Variants in VPS13C observed in about 807,000 individuals in gnomAD.
VPS13C encodes the protein intermembrane lipid transfer protein VPS13C.
In VPS13C, 358 loss-of-function variants were observed where a neutral mutation model predicts 456.8. That is an observed-to-expected ratio of 0.78 (90% CI 0.72 to 0.86). VPS13C has a LOEUF of 0.86. Ranked by LOEUF, VPS13C falls within the 40% of genes least tolerant of loss-of-function variation. VPS13C has a pLI of 0.00. For missense variants in VPS13C, 4,818 were observed against 4,385.4 expected (o/e 1.10, Z -2.79); for synonymous variants, 1,578 against 1,486.7 (o/e 1.06, Z -1.41).
chr15:61,922,614 C>G lies in VPS13C; in HGVS notation c.6758G>C (p.Gly2253Ala). 3 of 1,614,048 alleles carry G rather than the reference C, an allele frequency of 1.9e-6. No individual in the cohort carries two copies. The highest frequency in any genetic ancestry group is 1.3e-5 in the African/African-American group (1 of 75,024). ...SINDYNTWFL[G>A]VDTATEITES... The stretch of plus-strand genomic sequence containing the variant: ...CGTTATTTCTGTTGCCGTGTCAACA[C>G]CAAGAAACCAAGTGTTATAATCATT... The change falls in exon 54 of 85, where the codon GGT (glycine) becomes GCT (alanine). Residue 2253 changes from glycine (G) to alanine (A), a missense_variant. Physicochemically the swap from Gly to Ala is moderately conservative, Grantham distance 60. Transcript: ENST00000644861.
chr15:61,913,203 A>G (rs926758178), intron 62 of VPS13C, 108 bp downstream of exon 62: 19 of 976,510 alleles, frequency 1.9e-5, no homozygotes, highest in African/African-American at 3.2e-5. Flanking sequence ...AGGACTATAA[A>G]TCATGCTGCT....
intron 62 of VPS13C, among the ~76,000 whole-genome samples, chr15:61,912,313 T>C (rs894662838): frequency 6.6e-6 from 1 of 152,220 alleles, no homozygotes; most frequent in East Asian, 1.9e-4. Flanking sequence ...TTATAATTAG[T>C]GTACAGGCTT....
At chr15:61,943,904 C>A (rs544296413) in intron 45 of VPS13C, among the ~76,000 whole-genome samples, 1 of 113,166 alleles carries the variant, frequency 8.8e-6, no homozygotes, top group South Asian at 3.4e-4. Context: ...GGTCTAACAT[C>A]CAGAATCTAT....
At chr15:61,975,293 GA>G (rs921489364) in intron 24 of VPS13C, among the ~76,000 whole-genome samples, 4 of 151,386 alleles carry the variant, frequency 2.6e-5, no homozygotes, top group African/African-American at 9.7e-5. Flanking sequence ...AGGAAATCAG[GA>G]AAAAAAAGAA....
At position 61,978,633 on chromosome 15, in the gene VPS13C, T is replaced by A. The variant is rs375027020; in HGVS notation, c.2283A>T (p.Ala761=). ...VEIKNVQLLF[A]RAEETWKKCR... is the part of the protein sequence containing the mutation. ...AGCTGAATAACGGTTTACCTGCTCTTGCAAAAAGTAGTTGTACATTTTTTA... is the reference window on the plus strand; with the variant it reads ...AGCTGAATAACGGTTTACCTGCTCTAGCAAAAAGTAGTTGTACATTTTTTA... Residue 761 remains alanine (A), a synonymous_variant, in exon 23 of 85, where the codon GCA becomes GCT. Coordinates refer to ENST00000644861, the MANE Select transcript of VPS13C (RefSeq NM_020821.3). 43 of 1,610,466 alleles carry A rather than the reference T, an allele frequency of 2.7e-5. No homozygotes were observed. Among genetic ancestry groups the A allele is most frequent in the Non-Finnish European group, 3.1e-5 (37 of 1,178,888 alleles).
At chr15:62,019,948 CTATA>C (rs764621638) in intron 9 of VPS13C, among the ~76,000 whole-genome samples, 3 of 146,576 alleles carry the variant, frequency 2.0e-5, no homozygotes, top group East Asian at 4.0e-4. Flanking sequence ...AATGTCCAGC[CTATA>C]TATATATATA....
At position 61,920,541 on chromosome 15, in the gene VPS13C, G is replaced by T. The variant is rs1455321678; in HGVS notation, c.7169C>A (p.Thr2390Lys). 2 of 1,575,890 alleles carry T rather than the reference G, an allele frequency of 1.3e-6. No homozygotes were observed. Among genetic ancestry groups the T allele is most frequent in the Non-Finnish European group, 1.7e-6 (2 of 1,167,062 alleles). ...HISSGNTMNITISKSCLNVFN... is the reference protein window; with the variant it reads ...HISSGNTMNIKISKSCLNVFN... ...AACATTAAGACAACTTTTGGATATT[G>T]TTATATTCATTGTATTTCCTGAAGA... The change falls in exon 56 of 85, where the codon ACA becomes AAA. Residue 2390 changes from threonine to lysine, a missense_variant. Around this residue, in one of 3 missense-constraint regions of VPS13C, gnomAD observed 4,552 missense variants for 4,130.6 expected, o/e 1.10. Transcript: ENST00000644861.
chr15:61,874,967 A>T lies in VPS13C; in HGVS notation c.10339-16T>A, dbSNP rs1383623178. On this transcript the variant is annotated splice_polypyrimidine_tract_variant and intron_variant, in intron 76 of 84. Coordinates refer to ENST00000644861, the MANE Select transcript of VPS13C (RefSeq NM_020821.3). ...GAACAGCACCCTGGCAAAAAAAAAT[A>T]AAAAATAATCTTATTATTTAAAATT... 12 of 1,536,082 alleles carry T rather than the reference A, an allele frequency of 7.8e-6. No individual in the cohort carries two copies. Among genetic ancestry groups the T allele is most frequent in the South Asian group, 6.6e-5 (5 of 75,920 alleles).
chr15:61,911,717 C>T lies in VPS13C; in HGVS notation c.8715+123G>A, dbSNP rs537521872. On this transcript the variant is annotated intron_variant, in intron 63 of 84. Coordinates refer to ENST00000644861, the MANE Select transcript of VPS13C (RefSeq NM_020821.3). ...ATAGTAAGAGAAAAATCTTTCAAAG[C>T]TGGCTGTCATATTTCAACACATAAA... 3.0e-6 allele frequency: 3 copies of T among 996,524 alleles called. No homozygotes were observed. The South Asian group carries it at 9.6e-5, about 32-fold the overall frequency. The allele number at this position is 996,524 out of a possible 1,614,324, so 61.7% of individuals were successfully genotyped here.
At chr15:61,991,371 T>C (rs2046219398) in intron 17 of VPS13C, among the ~76,000 whole-genome samples, 1 of 152,212 alleles carries the variant, frequency 6.6e-6, no homozygotes, top group African/African-American at 2.4e-5. Flanking sequence ...GTGAAACTTT[T>C]AATTGAATAT....
intron 71 of VPS13C, 88 bp from the exon 72 acceptor site, chr15:61,881,042 A>C: frequency 2.8e-6 from 3 of 1,059,108 alleles, no homozygotes; most frequent in Non-Finnish European, 4.0e-6. Context: ...GAAAAGCCAC[A>C]GTTATATCTT....
chr15:61,951,688 G>T, intron 39 of VPS13C, 136 bp downstream of exon 39: 1 of 836,996 alleles, frequency 1.2e-6, no homozygotes, highest in Non-Finnish European at 1.7e-6. Context: ...TGTACCCAGG[G>T]ACTGTTTTTG....
intron 76 of VPS13C, 131 bp downstream of exon 76, chr15:61,875,601 T>C (rs1415223546): frequency 6.0e-6 from 4 of 664,562 alleles, no homozygotes; most frequent in East Asian, 5.7e-5. Context: ...AAATATAAAA[T>C]TGATATACTT....
chr15:61,916,712 A>G (rs2043482513), intron 60 of VPS13C, among the ~76,000 whole-genome samples: 1 of 152,110 alleles, frequency 6.6e-6, no homozygotes. Flanking sequence ...ATACTGCCAT[A>G]CAGAAATTTT....
intron 18 of VPS13C, among the ~76,000 whole-genome samples, chr15:61,990,590 C>T (rs976022666): frequency 1.3e-5 from 2 of 152,058 alleles, no homozygotes; most frequent in African/African-American, 4.8e-5. Context: ...GAAGGCAGGT[C>T]ACCTGAGGTC....
intron 63 of VPS13C, 90 bp downstream of exon 63, chr15:61,911,750 G>C: frequency 2.6e-6 from 3 of 1,151,470 alleles, no homozygotes; most frequent in African/African-American, 3.2e-5. Flanking sequence ...AAATATGATA[G>C]TCTGAAAAAG....
chr15:62,021,100 G>A (rs779027229), intron 8 of VPS13C, among the ~76,000 whole-genome samples: 4 of 151,926 alleles, frequency 2.6e-5, no homozygotes, highest in South Asian at 4.1e-4. Context: ...ATGAATACAC[G>A]TGGTCAGTGT....
At chr15:61,954,170 G>A (rs1013042429) in intron 38 of VPS13C, among the ~76,000 whole-genome samples, 1 of 151,986 alleles carries the variant, frequency 6.6e-6, no homozygotes, top group African/African-American at 2.4e-5. Flanking sequence ...GACATCCAAA[G>A]CAAGTGACAT....
chr15:62,048,121 ATACTTT>A (rs988230916), intron 1 of VPS13C, among the ~76,000 whole-genome samples: 1 of 128,030 alleles, frequency 7.8e-6, no homozygotes, highest in African/African-American at 2.9e-5. Flanking sequence ...TATTATTATT[ATACTTT>A]AAGTTTTAGG....
Sources: gnomAD v4.1 joint callset for allele counts (sites outside exome capture counted in the v4.1 genomes callset) on GRCh38, gnomAD v4.1.1 for gene constraint, gnomAD v4.1.1 regional missense constraint, MANE v1.5 for transcripts, NCBI Gene and HGNC (gene_info 2026-07-23, HGNC 2026-07-21) for gene names.